Variants in OXCT1 observed in about 807,000 individuals in gnomAD.
The protein encoded by OXCT1 is 3-oxoacid CoA-transferase 1.
OXCT1 carries 27 observed loss-of-function variants against 69.6 expected under a neutral mutation model. The observed-to-expected ratio is 0.39, with a 90% CI of 0.29 to 0.54. The LOEUF (loss-of-function observed/expected upper bound fraction) is 0.54, where lower values mean the gene tolerates loss of function less well. Among genes scored for constraint, OXCT1 ranks in the 20% least tolerant of loss-of-function variants. The probability of loss-of-function intolerance (pLI) is 0.72; values close to 1 mark genes in which losing one functional copy is unlikely to be tolerated. For missense variants in OXCT1, 437 were observed against 650.2 expected, an observed-to-expected ratio of 0.67 and a Z score of 3.57; for synonymous variants, 202 against 217.8, an observed-to-expected ratio of 0.93 and a Z score of 0.64.
chr5:41,866,078 T>C (rs1749960053), intron 1 of OXCT1, among the ~76,000 whole-genome samples: 1 of 136,888 alleles, frequency 7.3e-6, no homozygotes, highest in African/African-American at 2.6e-5. Flanking sequence ...GTATATAACA[T>C]ATTCTGATGT....
intron 1 of OXCT1, among the ~76,000 whole-genome samples, chr5:41,866,991 A>AG (rs1237006689): frequency 2.0e-5 from 3 of 152,218 alleles, no homozygotes; most frequent in Non-Finnish European, 4.4e-5. Context: ...TCATGGAGAG[A>AG]GGTTCATGAA....
chr5:41,833,916 G>C (rs1423250547), intron 7 of OXCT1, among the ~76,000 whole-genome samples: 1 of 151,536 alleles, frequency 6.6e-6, no homozygotes, highest in Non-Finnish European at 1.5e-5. Context: ...CAAAAAATTA[G>C]TTGGGCGTGG....
chr5:41,778,238 A>C (rs541288914), intron 13 of OXCT1, among the ~76,000 whole-genome samples: 15 of 152,328 alleles, frequency 9.8e-5, no homozygotes, highest in African/African-American at 3.6e-4. Context: ...TTATCTAAAA[A>C]TTTTCTATAA....
At chr5:41,798,201 G>A (rs546307090) in intron 11 of OXCT1, among the ~76,000 whole-genome samples, 2 of 152,234 alleles carry the variant, frequency 1.3e-5, no homozygotes, top group South Asian at 4.2e-4. Flanking sequence ...ACACCCAGCA[G>A]TCCAGAATGG....
intron 8 of OXCT1, 89 bp from the exon 9 acceptor site, chr5:41,805,770 T>G: frequency 2.4e-6 from 2 of 846,478 alleles, no homozygotes; most frequent in Non-Finnish European, 2.0e-6. Context: ...GAAAAAAAGA[T>G]GAGCTCTCTC....
intron 5 of OXCT1, among the ~76,000 whole-genome samples, chr5:41,845,660 T>C (rs1748861316): frequency 6.6e-6 from 1 of 152,218 alleles, no homozygotes; most frequent in African/African-American, 2.4e-5. Flanking sequence ...TTGAGGCACC[T>C]GATTCCAGGC....
At chr5:41,746,066 C>G (rs1488068762) in intron 15 of OXCT1, among the ~76,000 whole-genome samples, 1 of 152,110 alleles carries the variant, frequency 6.6e-6, no homozygotes, top group Non-Finnish European at 1.5e-5. Flanking sequence ...CAGCATTATC[C>G]TGACACCAAA....
At chr5:41,868,365 G>T (rs1346991418) in intron 1 of OXCT1, among the ~76,000 whole-genome samples, 1 of 152,158 alleles carries the variant, frequency 6.6e-6, no homozygotes, top group Admixed American at 6.5e-5. Flanking sequence ...TCATCTGGTT[G>T]AGGAGACAAT....
chr5:41,789,799 T>C (rs1745826400), intron 13 of OXCT1, among the ~76,000 whole-genome samples: 2 of 152,218 alleles, frequency 1.3e-5, no homozygotes, highest in African/African-American at 4.8e-5. Context: ...TGTCATAATA[T>C]ATTTAAATAT....
chr5:41,775,561 T>C (rs1386791305), intron 13 of OXCT1, among the ~76,000 whole-genome samples: 1 of 152,186 alleles, frequency 6.6e-6, no homozygotes, highest in African/African-American at 2.4e-5. Flanking sequence ...CAGGGGTTTT[T>C]ATGGACATTT....
rs74390544 is a variant in OXCT1, at chr5:41,777,096, G to A, written c.1249-14896C>T. ...AGATAGTCCTCATCACCTAAAATGTGCTTGTAGAATGTGTAACAAGCTCTC... is the reference window on the plus strand; with the variant it reads ...AGATAGTCCTCATCACCTAAAATGTACTTGTAGAATGTGTAACAAGCTCTC... On this transcript the variant is annotated intron_variant, in intron 13 of 16. Transcript: ENST00000196371. 3.9e-3 allele frequency among the ~76,000 whole-genome samples: 591 copies of A among 152,192 alleles called. 2 individuals are homozygous for A. The highest frequency in any genetic ancestry group is 0.014 in the African/African-American group (570 of 41,518).
intron 7 of OXCT1, among the ~76,000 whole-genome samples, chr5:41,830,835 A>G (rs1287412515): frequency 2.0e-5 from 3 of 152,224 alleles, no homozygotes; most frequent in Non-Finnish European, 4.4e-5. Flanking sequence ...TTTAAGAGAG[A>G]AGGAATTATG....
intron 14 of OXCT1, among the ~76,000 whole-genome samples, chr5:41,759,493 CA>C (rs1389340890): frequency 3.9e-5 from 6 of 152,038 alleles, no homozygotes; most frequent in Non-Finnish European, 5.9e-5. Context: ...TGTCTAGGCT[CA>C]AATGAAAATC....
At chr5:41,842,914 A>G (rs1748707744) in intron 5 of OXCT1, 133 bp from the exon 6 acceptor site, 2 of 742,048 alleles carry the variant, frequency 2.7e-6, no homozygotes, top group Non-Finnish European at 4.9e-6. Flanking sequence ...AGCATCCCAG[A>G]GACTTCAAAG....
intron 14 of OXCT1, among the ~76,000 whole-genome samples, chr5:41,751,563 C>A (rs1023748756): frequency 6.6e-6 from 1 of 152,128 alleles, no homozygotes; most frequent in Non-Finnish European, 1.5e-5. Flanking sequence ...CATGCTTCTC[C>A]ATCCACCCTA....
At chr5:41,732,378 T>G (rs1742677705) in intron 16 of OXCT1, among the ~76,000 whole-genome samples, 2 of 152,216 alleles carry the variant, frequency 1.3e-5, no homozygotes, top group South Asian at 4.1e-4. Flanking sequence ...TATAATTATG[T>G]TCAGTGTATA....
intron 14 of OXCT1, among the ~76,000 whole-genome samples, chr5:41,759,343 T>G (rs1222892991): frequency 5.9e-5 from 9 of 152,126 alleles, no homozygotes; most frequent in Admixed American, 5.2e-4. Flanking sequence ...AGGACTCAGA[T>G]TGTTACTCCT....
chr5:41,735,672 G>T (rs1475713428), intron 16 of OXCT1, among the ~76,000 whole-genome samples: 1 of 152,214 alleles, frequency 6.6e-6, no homozygotes, highest in African/African-American at 2.4e-5. Context: ...TCTACCAATA[G>T]CGCTGGGGAC....
At chr5:41,819,259 A>G (rs1241744178) in intron 7 of OXCT1, among the ~76,000 whole-genome samples, 1 of 151,672 alleles carries the variant, frequency 6.6e-6, no homozygotes, top group African/African-American at 2.4e-5. Flanking sequence ...ACATCCCCTC[A>G]GTTTGTATCA....
Sources: gnomAD v4.1 joint callset for allele counts (sites outside exome capture counted in the v4.1 genomes callset) on GRCh38, gnomAD v4.1.1 for gene constraint, MANE v1.5 for transcripts, NCBI Gene and HGNC (gene_info 2026-07-23, HGNC 2026-07-21) for gene names.